Variants in SPMIP10 observed in about 807,000 individuals in gnomAD.
SPMIP10 encodes sperm microtubule inner protein 10, also known as sperm-associated microtubule inner protein 10.
At chr5:126,634,553 C>T in the SPMIP10 span, among the ~76,000 whole-genome samples, 1 of 152,142 alleles carries the variant, frequency 6.6e-6, no homozygotes, top group African/African-American at 2.4e-5. Flanking sequence ...GGTGACAGTA[C>T]TGACTTTTTC....
At chr5:126,634,432 C>CAAAT in the SPMIP10 span, among the ~76,000 whole-genome samples, 1 of 152,048 alleles carries the variant, frequency 6.6e-6, no homozygotes, top group Admixed American at 6.6e-5. Flanking sequence ...CCATCTCAAA[C>CAAAT]AAATAAATAA....
the SPMIP10 span, among the ~76,000 whole-genome samples, chr5:126,632,814 C>G: frequency 6.6e-6 from 1 of 151,744 alleles, no homozygotes; most frequent in African/African-American, 2.4e-5. Context: ...TGGCGGAACC[C>G]CATCTCTACT....
At chr5:126,636,230 C>T in the SPMIP10 span, 24 of 1,612,176 alleles carry the variant, frequency 1.5e-5, no homozygotes, top group East Asian at 1.1e-4. Context: ...CTTCAGGAGG[C>T]GACTAGTCTA....
the SPMIP10 span, chr5:126,636,007 C>G: frequency 6.4e-7 from 1 of 1,563,930 alleles, no homozygotes; most frequent in Non-Finnish European, 8.8e-7. Flanking sequence ...TGATGTGATA[C>G]ACAGAAGATT....
At chr5:126,634,432 C>A in the SPMIP10 span, among the ~76,000 whole-genome samples, 1 of 152,166 alleles carries the variant, frequency 6.6e-6, no homozygotes, top group Admixed American at 6.6e-5. Flanking sequence ...CCATCTCAAA[C>A]AAATAAATAA....
chr5:126,635,928 C>T, the SPMIP10 span: 1 of 966,448 alleles, frequency 1.0e-6, no homozygotes, highest in Non-Finnish European at 1.6e-6. Context: ...TCCCAAATTG[C>T]TGGGATTACA....
At chr5:126,631,864 G>A in the SPMIP10 span, 3 of 1,251,610 alleles carry the variant, frequency 2.4e-6, no homozygotes, top group Non-Finnish European at 3.5e-6. Flanking sequence ...TGCTTGTTTT[G>A]CAACCTGGGA....
the SPMIP10 span, among the ~76,000 whole-genome samples, chr5:126,633,008 C>CAT: frequency 0.23 from 29,265 of 125,088 alleles, 3,457 homozygotes; most frequent in Admixed American, 0.32. Context: ...ATAAATTTTA[C>CAT]ATATATATAT....
chr5:126,633,024 T>TATATATATATATATATATAA, the SPMIP10 span, among the ~76,000 whole-genome samples: 189 of 138,858 alleles, frequency 1.4e-3, 3 homozygotes, highest in African/African-American at 5.5e-3. Flanking sequence ...TATATATATA[T>TATATATATATATATATATAA]ATATATATAA....
the SPMIP10 span, among the ~76,000 whole-genome samples, chr5:126,635,215 A>C: frequency 1.3e-5 from 2 of 150,078 alleles, no homozygotes; most frequent in Non-Finnish European, 3.0e-5. Flanking sequence ...AGCATACCAG[A>C]GTTGGGGCTG....
chr5:126,631,906 C>A, the SPMIP10 span: 1 of 826,326 alleles, frequency 1.2e-6, no homozygotes, highest in Non-Finnish European at 2.1e-6. Flanking sequence ...ACTTTGTGTT[C>A]CCCTTTGGCA....
chr5:126,635,965 C>A, the SPMIP10 span: 8 of 1,377,396 alleles, frequency 5.8e-6, no homozygotes, highest in South Asian at 6.1e-5. Flanking sequence ...CCTGATGAAA[C>A]TTCCTTCTTA....
At chr5:126,634,795 T>C in the SPMIP10 span, among the ~76,000 whole-genome samples, 1 of 152,148 alleles carries the variant, frequency 6.6e-6, no homozygotes, top group African/African-American at 2.4e-5. Flanking sequence ...TGCTAGTAAA[T>C]GCTAACTTAT....
the SPMIP10 span, chr5:126,632,518 G>A: frequency 7.9e-7 from 1 of 1,259,122 alleles, no homozygotes; most frequent in Non-Finnish European, 1.2e-6. Context: ...TGGCTCACAA[G>A]ATGTCTTCTT....
chr5:126,632,721 C>A, the SPMIP10 span: 1 of 946,960 alleles, frequency 1.1e-6, no homozygotes, highest in Non-Finnish European at 1.7e-6. Flanking sequence ...GATGCGGTGA[C>A]TTGTGCCAAT....
the SPMIP10 span, among the ~76,000 whole-genome samples, chr5:126,633,562 G>A: frequency 6.6e-6 from 1 of 152,024 alleles, no homozygotes; most frequent in Admixed American, 6.6e-5. Flanking sequence ...GTCTCACTAT[G>A]TCTTCCAGTT....
At chr5:126,632,017 T>A in the SPMIP10 span, among the ~76,000 whole-genome samples, 1 of 151,966 alleles carries the variant, frequency 6.6e-6, no homozygotes, top group African/African-American at 2.4e-5. Context: ...CCAATATAGT[T>A]TCTGTTTTTT....
At chr5:126,635,097 G>C in the SPMIP10 span, among the ~76,000 whole-genome samples, 5 of 151,608 alleles carry the variant, frequency 3.3e-5, 1 homozygote, top group South Asian at 6.3e-4. Context: ...GAGCCTAGGA[G>C]TTCCAGGCTG....
chr5:126,635,997 T>G, the SPMIP10 span: 10 of 1,516,728 alleles, frequency 6.6e-6, no homozygotes, highest in African/African-American at 1.1e-4. Flanking sequence ...AAATGATGTT[T>G]GATGTGATAC....
Sources: gnomAD v4.1 joint callset for allele counts (sites outside exome capture counted in the v4.1 genomes callset) on GRCh38, gnomAD v4.1.1 for gene constraint, MANE v1.5 for transcripts, NCBI Gene and HGNC (gene_info 2026-07-23, HGNC 2026-07-21) for gene names.